Variants in ADAMTS2 observed in about 807,000 individuals in gnomAD.
ADAMTS2 encodes the protein ADAM metallopeptidase with thrombospondin type 1 motif 2.
In ADAMTS2, 50 loss-of-function variants were observed where a neutral mutation model predicts 123.0. The observed-to-expected ratio is 0.41, with a 90% CI of 0.32 to 0.51. ADAMTS2 has a LOEUF of 0.51. ADAMTS2 is among the 20% of genes least tolerant of loss of function. The pLI is 0.35. For missense variants in ADAMTS2, 1,494 were observed against 1,705.2 expected (o/e 0.88, Z 2.18); for synonymous variants, 678 against 695.4 (o/e 0.98, Z 0.39).
intron 3 of ADAMTS2, among the ~76,000 whole-genome samples, chr5:179,216,329 G>A (rs1483114934): frequency 6.6e-6 from 1 of 152,216 alleles, no homozygotes; most frequent in Non-Finnish European, 1.5e-5. Context: ...CCTGGCCTAG[G>A]TTCTTGGCAG....
chr5:179,198,812 C>T lies in ADAMTS2; in HGVS notation c.891+8701G>A, dbSNP rs537604085. ...TCATGCCATTGCACTCCAGCCCGGG[C>T]GACAGAGCAAGACTCTATCTCAAGG... On this transcript the variant is annotated intron_variant, in intron 4 of 21. Transcript: ENST00000251582. Among the ~76,000 whole-genome samples, 88 of 150,080 alleles carry T rather than the reference C, an allele frequency of 5.9e-4. 1 individual carries two copies. Among genetic ancestry groups the T allele is most frequent in the African/African-American group, 1.9e-3 (78 of 40,730 alleles).
chr5:179,142,231 A>G (rs1196742811), intron 10 of ADAMTS2, among the ~76,000 whole-genome samples: 1 of 152,234 alleles, frequency 6.6e-6, no homozygotes, highest in Non-Finnish European at 1.5e-5. Context: ...CAATGGTCCT[A>G]ATAGCAACAA....
chr5:179,233,678 C>A (rs2113435518), intron 3 of ADAMTS2, among the ~76,000 whole-genome samples: 1 of 152,252 alleles, frequency 6.6e-6, no homozygotes, highest in East Asian at 1.9e-4. Flanking sequence ...TAGAGTGAGA[C>A]TCCGTTTCAA....
intron 7 of ADAMTS2, 44 bp downstream of exon 7, chr5:179,154,770 C>T: frequency 6.7e-7 from 1 of 1,502,718 alleles, no homozygotes; most frequent in Non-Finnish European, 9.1e-7. Flanking sequence ...GCTGGGGATC[C>T]TAGGGTGGCC....
In ADAMTS2 at chr5:179,136,055, C is replaced by T; in HGVS notation, c.1952-13G>A. On this transcript the variant is annotated splice_polypyrimidine_tract_variant and intron_variant, in intron 12 of 21. Coordinates refer to ENST00000251582, the MANE Select transcript of ADAMTS2 (RefSeq NM_014244.5). ...CATCTCTCCTTGGCTGGAAGGGAAGCAGCTGGGGGTCTGCAAGGAGCCCTG... is the reference window on the plus strand; with the variant it reads ...CATCTCTCCTTGGCTGGAAGGGAAGTAGCTGGGGGTCTGCAAGGAGCCCTG... The T allele has an allele frequency of 6.2e-7, 1 of 1,613,198 alleles. No individual in the cohort carries two copies. The highest frequency in any genetic ancestry group is 8.5e-7 in the Non-Finnish European group (1 of 1,180,008).
In ADAMTS2 at chr5:179,162,523, C is replaced by T. The variant is rs1037035055; in HGVS notation, c.976-3644G>A. Among the ~76,000 whole-genome samples the T allele has an allele frequency of 2.2e-4, 34 of 152,142 alleles. No homozygotes were observed. The highest frequency in any genetic ancestry group is 1.5e-3 in the Admixed American group (23 of 15,282). On this transcript the variant is annotated intron_variant, in intron 5 of 21. Coordinates refer to ENST00000251582, the MANE Select transcript of ADAMTS2 (RefSeq NM_014244.5). This position sits in a 1 kb window ranked among gnomAD's most constrained non-coding sequence, Gnocchi z 5.1. ...CCCAGGCTCATTCAGGTGGTCACGG[C>T]GGGCCCCAGCTGAGCTGTTGCACAC...
At position 179,132,310 on chromosome 5, in the gene ADAMTS2, C is replaced by A; in HGVS notation, c.2210G>T (p.Gly737Val). The change falls in exon 15 of 22, where the codon GGT (glycine) becomes GTT (valine). Residue 737 changes from glycine to valine, a missense_variant and splice_region_variant. By Grantham distance (109) the Gly-to-Val change is moderately radical. This residue lies in a region of ADAMTS2 where 953 missense variants were observed against 1,124.7 expected (regional missense o/e 0.85). Transcript: ENST00000251582. The surrounding 1 kb of genome is among the most constrained non-coding windows in gnomAD (Gnocchi z 6.1). Reference protein sequence around the residue: ...GTFTRSPKKHGYIKMFEIPAG... With the variant: ...GTFTRSPKKHVYIKMFEIPAG... ...AGGGATCTCAAACATCTTGATGTAA[C>A]CTTTTTTTGATGTGGAAAGACACAG... The A allele has an allele frequency of 2.5e-6, 4 of 1,614,048 alleles. No individual in the cohort carries two copies. Among genetic ancestry groups the A allele is most frequent in the African/African-American group, 1.3e-5 (1 of 75,064 alleles).
At chr5:179,135,241 C>T (rs922238065) in intron 13 of ADAMTS2, among the ~76,000 whole-genome samples, 2 of 152,208 alleles carry the variant, frequency 1.3e-5, no homozygotes, top group Non-Finnish European at 2.9e-5. Context: ...CCTGCCGATG[C>T]GGCTGTTTCT....
At position 179,188,632 on chromosome 5, in the gene ADAMTS2, C is replaced by G. The variant is rs1279346470; in HGVS notation, c.892-7477G>C. On this transcript the variant is annotated intron_variant, in intron 4 of 21. Transcript: ENST00000251582. The surrounding 1 kb of genome is among the most constrained non-coding windows in gnomAD (Gnocchi z 5.1). Reference sequence around the variant, plus strand: ...ACGGAAATGGCCAGGATCAGAATTACTAGGCTCAGTTCATACATCAAAAAG... The same window carrying G: ...ACGGAAATGGCCAGGATCAGAATTAGTAGGCTCAGTTCATACATCAAAAAG... 6.6e-6 allele frequency among the ~76,000 whole-genome samples: 1 copy of G among 152,180 alleles called. No homozygotes were observed. The highest frequency in any genetic ancestry group is 1.5e-5 in the Non-Finnish European group (1 of 68,030).
intron 3 of ADAMTS2, among the ~76,000 whole-genome samples, chr5:179,250,724 C>T (rs865926850): frequency 2.6e-5 from 4 of 152,212 alleles, no homozygotes; most frequent in Non-Finnish European, 5.9e-5. Flanking sequence ...GTTGGTCATG[C>T]GGTAACCAAG....
At chr5:179,230,867 C>T (rs771551415) in intron 3 of ADAMTS2, among the ~76,000 whole-genome samples, 52 of 152,080 alleles carry the variant, frequency 3.4e-4, no homozygotes, top group Admixed American at 2.8e-3. Context: ...AAAAATTAGC[C>T]GGGCATGGTG....
Position 179,299,530 on chromosome 5 carries a change from A to AACAC in ADAMTS2, c.535-26470_535-26467dup, listed in dbSNP as rs3986821. Among the ~76,000 whole-genome samples the AACAC allele has an allele frequency of 4.6e-4, 55 of 120,510 alleles. 1 individual carries two copies. The highest frequency in any genetic ancestry group is 5.5e-4 in the Non-Finnish European group (32 of 58,628). 79.1% of individuals were successfully genotyped at this position (120,510 alleles called of 152,430 possible). A position where few individuals can be genotyped will look rare whatever the true frequency, so the allele number is the denominator to read the frequency against. On this transcript the variant is annotated intron_variant, in intron 2 of 21. Transcript: ENST00000251582. ...GGCAACAGATCAAGACTCCAACTCA[A>AACAC]ACACACACACACACACACACACACA...
Position 179,154,133 on chromosome 5 carries a change from C to A in ADAMTS2, c.1298G>T (p.Ser433Ile). 6.3e-7 allele frequency: 1 copy of A among 1,589,312 alleles called. No homozygotes were observed. Among genetic ancestry groups the A allele is most frequent in the Non-Finnish European group, 8.5e-7 (1 of 1,173,660 alleles). ...GGCCTGCACCAGGGGCGCCATGATG[C>A]TGCCCAGCCGCACCTCGTCGCCACA... ...NRCGDEVRLG[S>I]IMAPLVQAAF... is the part of the protein sequence containing the mutation. Residue 433 changes from serine to isoleucine, a missense_variant, in exon 8 of 22, where the codon AGC (serine) becomes ATC (isoleucine). Ser to Ile is a moderately radical substitution (Grantham distance 142, BLOSUM62 -2). Around this residue, in one of 6 missense-constraint regions of ADAMTS2, gnomAD observed 953 missense variants for 1,124.7 expected, o/e 0.85. Coordinates refer to ENST00000251582, the MANE Select transcript of ADAMTS2 (RefSeq NM_014244.5).
In ADAMTS2 at chr5:179,242,046, G is replaced by A. The variant is rs1293485561; in HGVS notation, c.688+30865C>T. Among the ~76,000 whole-genome samples, 2 of 152,198 alleles carry A rather than the reference G, an allele frequency of 1.3e-5. No homozygotes were observed. The highest frequency in any genetic ancestry group is 6.5e-5 in the Admixed American group (1 of 15,282). ...CTCAGCACAGTGATTGGTCCAGGGG[G>A]TGAACACATGACTGGAGTGAGACTA... is the stretch of plus-strand genomic sequence containing the variant. On this transcript the variant is annotated intron_variant, in intron 3 of 21. Transcript: ENST00000251582. This position sits in a 1 kb window ranked among gnomAD's most constrained non-coding sequence, Gnocchi z 4.2.
At chr5:179,154,528 C>G (rs559718068) in intron 7 of ADAMTS2, among the ~76,000 whole-genome samples, 126 of 152,362 alleles carry the variant, frequency 8.3e-4, no homozygotes, top group Non-Finnish European at 1.4e-3. Flanking sequence ...GGGTAGAGCC[C>G]ACCCTGCCTG....
chr5:179,131,278 A>C (rs1452699651), intron 15 of ADAMTS2, among the ~76,000 whole-genome samples: 1 of 142,520 alleles, frequency 7.0e-6, no homozygotes, highest in Non-Finnish European at 1.5e-5. Context: ...AGGCCACTGC[A>C]CTCCAGCCTG....
intron 10 of ADAMTS2, among the ~76,000 whole-genome samples, chr5:179,149,413 A>C (rs984529332): frequency 6.6e-6 from 1 of 152,194 alleles, no homozygotes; most frequent in South Asian, 2.1e-4. Context: ...AGTCTGCGGT[A>C]TTTCTGTTAG....
Position 179,256,273 on chromosome 5 carries a change from G to A in ADAMTS2, c.688+16638C>T, listed in dbSNP as rs997112548. Among the ~76,000 whole-genome samples the A allele has an allele frequency of 7.9e-5, 12 of 152,166 alleles. No individual in the cohort carries two copies. The highest frequency in any genetic ancestry group is 6.2e-4 in the South Asian group (3 of 4,826). On this transcript the variant is annotated intron_variant, in intron 3 of 21. Transcript: ENST00000251582. This position sits in a 1 kb window ranked among gnomAD's most constrained non-coding sequence, Gnocchi z 4.1. The stretch of plus-strand genomic sequence containing the variant: ...TCTTGTGACCCGCCCCTGGGGACAC[G>A]GGTGCCCAACAGGAAAGAGGACGGG...
intron 4 of ADAMTS2, among the ~76,000 whole-genome samples, chr5:179,186,997 C>T: frequency 6.6e-6 from 1 of 152,140 alleles, no homozygotes; most frequent in Admixed American, 6.5e-5. Context: ...CCACGCTGGC[C>T]CTGGCTGGCT....
Sources: gnomAD v4.1 joint callset for allele counts (sites outside exome capture counted in the v4.1 genomes callset) on GRCh38, gnomAD v4.1.1 for gene constraint, gnomAD v4.1.1 regional missense constraint, Gnocchi (gnomAD v3.1) non-coding constraint, MANE v1.5 for transcripts, NCBI Gene and HGNC (gene_info 2026-07-23, HGNC 2026-07-21) for gene names.